The following KCNK9 variants were observed in gnomAD, a reference collection of about 807,000 sequenced individuals.
KCNK9 encodes potassium two pore domain channel subfamily K member 9.
Under a neutral mutation model 10.8 loss-of-function variants are expected in KCNK9, and 1 was observed. The ratio of observed to expected loss-of-function variants is 0.09; its 90% CI spans 0.03 to 0.44. The LOEUF (loss-of-function observed/expected upper bound fraction) is 0.44, where lower values mean the gene tolerates loss of function less well. KCNK9 is among the 20% of genes least tolerant of loss of function. The probability of loss-of-function intolerance (pLI) is 0.97; values close to 1 mark genes in which losing one functional copy is unlikely to be tolerated. For missense variants in KCNK9, 303 were observed against 515.0 expected, an observed-to-expected ratio of 0.59 and a Z score of 3.98; for synonymous variants, 231 against 222.7, an observed-to-expected ratio of 1.04 and a Z score of -0.33.
chr8:139,649,926 A>T (rs750260121), intron 1 of KCNK9, among the ~76,000 whole-genome samples: 222 of 152,326 alleles, frequency 1.5e-3, no homozygotes, highest in Non-Finnish European at 1.9e-3. Flanking sequence ...GCACTCCCCA[A>T]GGAAAGAGGT....
At position 139,618,144 on chromosome 8, in the gene KCNK9, A is replaced by G; in HGVS notation, c.*114T>C. The G allele has an allele frequency of 7.2e-7, 1 of 1,393,374 alleles. No individual in the cohort carries two copies. 86.3% of individuals were successfully genotyped at this position (1,393,374 alleles called of 1,614,324 possible). A position where few individuals can be genotyped will look rare whatever the true frequency, so the allele number is the denominator to read the frequency against. ...GACCAAGAAAGGAGGAAGGAGAGAAAGTAATAATGATGACAATAATAATAA... is the reference window on the plus strand; with the variant it reads ...GACCAAGAAAGGAGGAAGGAGAGAAGGTAATAATGATGACAATAATAATAA... On this transcript the variant is annotated 3_prime_UTR_variant, in exon 2 of 2. Transcript: ENST00000520439. This position sits in a 1 kb window ranked among gnomAD's most constrained non-coding sequence, Gnocchi z 7.9.
At chr8:139,687,470 A>G (rs143081119) in intron 1 of KCNK9, among the ~76,000 whole-genome samples, 579 of 45,328 alleles carry the variant, frequency 0.013, 94 homozygotes, top group African/African-American at 0.039. Context: ...TCATATATTC[A>G]TATATATGTA....
downstream of KCNK9, among the ~76,000 whole-genome samples, chr8:139,613,913 G>A (rs1027267717): frequency 1.3e-5 from 2 of 152,228 alleles, no homozygotes; most frequent in Admixed American, 6.5e-5. Flanking sequence ...CACTGATGAC[G>A]GGGCCAGTGC....
At chr8:139,681,134 C>T (rs986869585) in intron 1 of KCNK9, among the ~76,000 whole-genome samples, 4 of 152,176 alleles carry the variant, frequency 2.6e-5, no homozygotes, top group East Asian at 3.9e-4. Flanking sequence ...TGTGGCCAAG[C>T]GCCTTCCACA....
At position 139,627,002 on chromosome 8, in the gene KCNK9, C is replaced by A. The variant is rs533170513; in HGVS notation, c.284-7903G>T. Reference sequence around the variant, plus strand: ...GAACTCGGCATGATTTAAACCCAGGCGTCTGCAAACACCAAAAGCAAAGTG... The same window carrying A: ...GAACTCGGCATGATTTAAACCCAGGAGTCTGCAAACACCAAAAGCAAAGTG... On this transcript the variant is annotated intron_variant, in intron 1 of 1. Coordinates refer to ENST00000520439, the MANE Select transcript of KCNK9 (RefSeq NM_001282534.2). Among the ~76,000 whole-genome samples, 83 of 152,274 alleles carry A rather than the reference C, an allele frequency of 5.5e-4. No homozygotes were observed. The Middle Eastern group carries it at 0.014, about 25-fold the overall frequency.
intron 1 of KCNK9, among the ~76,000 whole-genome samples, chr8:139,648,130 C>T (rs1315042537): frequency 1.3e-5 from 2 of 152,110 alleles, no homozygotes; most frequent in East Asian, 1.9e-4. Context: ...GGAAGAGCCT[C>T]GAAAACCTAA....
At chr8:139,646,118 G>T (rs1370543824) in intron 1 of KCNK9, among the ~76,000 whole-genome samples, 1 of 151,892 alleles carries the variant, frequency 6.6e-6, no homozygotes, top group Non-Finnish European at 1.5e-5. Context: ...TGTCAAGTTG[G>T]AACTGGATCC....
intron 1 of KCNK9, among the ~76,000 whole-genome samples, chr8:139,685,988 G>A (rs1816779774): frequency 1.3e-5 from 2 of 152,222 alleles, no homozygotes; most frequent in Admixed American, 6.5e-5. Flanking sequence ...ACTGGTGTGA[G>A]ATGGTATCTC....
chr8:139,641,630 GCCCC>G (rs10571858), intron 1 of KCNK9, among the ~76,000 whole-genome samples: 1 of 151,514 alleles, frequency 6.6e-6, no homozygotes, highest in Admixed American at 6.6e-5. Flanking sequence ...GCTCTGGCCT[GCCCC>G]CCCCCCGCAC....
intron 1 of KCNK9, among the ~76,000 whole-genome samples, chr8:139,687,540 A>ATATATT (rs1403554199): frequency 8.1e-5 from 4 of 49,514 alleles, no homozygotes; most frequent in African/African-American, 1.3e-4. Flanking sequence ...ATATGTATAC[A>ATATATT]CATATATTCA....
intron 1 of KCNK9, among the ~76,000 whole-genome samples, chr8:139,631,673 A>C (rs1449639687): frequency 6.6e-6 from 1 of 152,154 alleles, no homozygotes. Context: ...GAAATACTAC[A>C]AGAAAATGTG....
chr8:139,689,595 C>A (rs1816891749), intron 1 of KCNK9, among the ~76,000 whole-genome samples: 1 of 151,586 alleles, frequency 6.6e-6, no homozygotes, highest in Non-Finnish European at 1.5e-5. Flanking sequence ...AGTGTCATGG[C>A]AAAAGAGTCG....
chr8:139,612,352 G>A (rs1814452796), downstream of KCNK9: 1 of 152,234 alleles, frequency 6.6e-6, no homozygotes, highest in Non-Finnish European at 1.5e-5. Context: ...ATGGCCAAGA[G>A]GCTGCCATAG....
chr8:139,616,599 T>TAAGA (rs1814597313), downstream of KCNK9: 1 of 152,172 alleles, frequency 6.6e-6, no homozygotes, highest in African/African-American at 2.4e-5. Context: ...TTGTCTCCTT[T>TAAGA]AAGAAATCCT....
downstream of KCNK9, among the ~76,000 whole-genome samples, chr8:139,608,224 A>G (rs1461477200): frequency 6.6e-6 from 1 of 152,186 alleles, no homozygotes; most frequent in Admixed American, 6.5e-5. Flanking sequence ...GACAAGGGCA[A>G]GTCCTGCCTC....
rs1263102448 is a variant in KCNK9, at chr8:139,656,939, C to A, written c.284-37840G>T. ...ATGGGGCTCTCCCTTGCAGGCTCAG[C>A]CCTCCCCAGTGCAGCCTCACCCCCC... On this transcript the variant is annotated intron_variant, in intron 1 of 1. Coordinates refer to ENST00000520439, the MANE Select transcript of KCNK9 (RefSeq NM_001282534.2). 2.0e-5 allele frequency among the ~76,000 whole-genome samples: 3 copies of A among 152,332 alleles called. No individual in the cohort carries two copies. In the South Asian group the frequency reaches 6.2e-4, roughly 32 times the overall value.
chr8:139,625,708 G>A (rs547364228), intron 1 of KCNK9, among the ~76,000 whole-genome samples: 1 of 147,900 alleles, frequency 6.8e-6, no homozygotes, highest in African/African-American at 2.6e-5. Context: ...CTCTGCTGCA[G>A]CTGGCTAACA....
chr8:139,637,790 TAGTA>T (rs1004315408), intron 1 of KCNK9, among the ~76,000 whole-genome samples: 7 of 69,844 alleles, frequency 1.0e-4, no homozygotes, highest in African/African-American at 4.1e-4. Flanking sequence ...CACACAATAA[TAGTA>T]AGGGGAGTGG....
At chr8:139,665,499 C>T (rs543559860) in intron 1 of KCNK9, among the ~76,000 whole-genome samples, 15 of 152,316 alleles carry the variant, frequency 9.8e-5, no homozygotes, top group South Asian at 2.1e-4. Flanking sequence ...CTTAATTCCC[C>T]CTTGCTATGG....
Sources: allele counts gnomAD v4.1 joint callset (sites outside exome capture counted in the v4.1 genomes callset), GRCh38; gene constraint gnomAD v4.1.1; non-coding constraint Gnocchi (gnomAD v3.1); transcripts MANE v1.5; gene names NCBI Gene and HGNC (gene_info 2026-07-23, HGNC 2026-07-21).